The following ANKMY2 variants were observed in gnomAD, a reference collection of about 807,000 sequenced individuals.
ANKMY2 encodes the protein ankyrin repeat and MYND domain-containing protein 2.
In ANKMY2, 36 loss-of-function variants were observed where a neutral mutation model predicts 50.4. The ratio of observed to expected loss-of-function variants is 0.71; its 90% CI spans 0.55 to 0.94. The LOEUF (loss-of-function observed/expected upper bound fraction) is 0.94, where lower values mean the gene tolerates loss of function less well. ANKMY2 is among the 40% of genes least tolerant of loss of function. ANKMY2 has a pLI of 0.00. For synonymous variants in ANKMY2, 187 were observed against 178.8 expected (o/e 1.05, Z -0.36); for missense variants, 565 against 524.0 (o/e 1.08, Z -0.76).
At chr7:16,603,230 T>C (rs998683384) in intron 8 of ANKMY2, among the ~76,000 whole-genome samples, 3 of 152,046 alleles carry the variant, frequency 2.0e-5, no homozygotes, top group Non-Finnish European at 2.9e-5. Context: ...GTCCCAAAGG[T>C]AGCTAGCATC....
intron 4 of ANKMY2, among the ~76,000 whole-genome samples, chr7:16,616,847 G>A (rs1453388089): frequency 1.3e-5 from 2 of 152,232 alleles, no homozygotes; most frequent in Non-Finnish European, 2.9e-5. Context: ...GCTTGGTCCT[G>A]GGAGCGCCTG....
chr7:16,611,261 T>C (rs1225299432), intron 5 of ANKMY2, among the ~76,000 whole-genome samples: 1 of 152,224 alleles, frequency 6.6e-6, no homozygotes, highest in African/African-American at 2.4e-5. Context: ...TGAAATATGC[T>C]TTACTTTCCA....
chr7:16,623,176 C>T (rs1176065165), intron 4 of ANKMY2, among the ~76,000 whole-genome samples: 5 of 152,106 alleles, frequency 3.3e-5, no homozygotes, highest in Admixed American at 1.3e-4. Context: ...TGTATACATA[C>T]TGATCCACTT....
chr7:16,604,849 C>A lies in ANKMY2; in HGVS notation c.883G>T (p.Gly295Cys), dbSNP rs747426006. The change falls in exon 8 of 10, where the codon GGT becomes TGT. Residue 295 changes from glycine (G) to cysteine (C), a missense_variant and splice_region_variant. Transcript: ENST00000306999. The part of the protein sequence containing the change: ...LVRSIAPVEI[G>C]SDPTAFSVLT... ...ACGGAGAATGCAGTGGGATCAGAAC[C>A]CTAGAGTGGGCATGAAGAGGAGAAA... 1 of 1,606,220 alleles carries A rather than the reference C, an allele frequency of 6.2e-7. No homozygotes were observed. Among genetic ancestry groups the A allele is most frequent in the Middle Eastern group, 1.7e-4 (1 of 6,010 alleles).
chr7:16,629,203 G>A (rs1430222013), intron 2 of ANKMY2, among the ~76,000 whole-genome samples: 5 of 152,106 alleles, frequency 3.3e-5, no homozygotes, highest in Admixed American at 6.6e-5. Flanking sequence ...AGCAGAAATT[G>A]GTTTTTAGAG....
intron 1 of ANKMY2, among the ~76,000 whole-genome samples, chr7:16,637,327 A>T (rs1040010546): frequency 6.6e-6 from 1 of 152,220 alleles, no homozygotes; most frequent in African/African-American, 2.4e-5. Context: ...TTGTAGTGCA[A>T]GACTGTGCTA....
rs1781490678 is a variant in ANKMY2 at position 16,625,028 on chromosome 7, C to A, written c.325G>T (p.Val109Phe). The change falls in exon 4 of 10, where the codon GTC becomes TTC. Residue 109 changes from valine to phenylalanine, a missense_variant. Coordinates refer to ENST00000306999, the MANE Select transcript of ANKMY2 (RefSeq NM_020319.3). ...MLEAGAETDV[V>F]NSVGRTAAQM... is the part of the protein sequence containing the mutation. ...GCTGCTGTTCTTCCCACAGAGTTGACAACATCTGTCTCAGCACCAGCTTCT... is the reference window on the plus strand; with the variant it reads ...GCTGCTGTTCTTCCCACAGAGTTGAAAACATCTGTCTCAGCACCAGCTTCT... The A allele has an allele frequency of 1.9e-6, 3 of 1,613,986 alleles. No individual in the cohort carries two copies. Among genetic ancestry groups the A allele is most frequent in the South Asian group, 2.2e-5 (2 of 91,084 alleles).
At chr7:16,644,239 C>A (rs561486833) in intron 1 of ANKMY2, among the ~76,000 whole-genome samples, 1 of 152,164 alleles carries the variant, frequency 6.6e-6, no homozygotes, top group Non-Finnish European at 1.5e-5. Context: ...GACTGAAATG[C>A]CAAATAGGTC....
intron 5 of ANKMY2, among the ~76,000 whole-genome samples, chr7:16,611,059 G>A (rs1456955054): frequency 1.3e-5 from 2 of 152,152 alleles, no homozygotes; most frequent in Non-Finnish European, 2.9e-5. Flanking sequence ...TACAGTCTCT[G>A]TTAAATTCAC....
chr7:16,645,580 C>T lies in ANKMY2; in HGVS notation c.-7G>A, dbSNP rs148014743. On this transcript the variant is annotated 5_prime_UTR_variant, in exon 1 of 10. Transcript: ENST00000306999. Reference sequence around the variant, plus strand: ...CTTTCTTTATGTGAACCATTGCTCCCGCCAGCTTGAAGGTTATTCCCTTTC... The same window carrying T: ...CTTTCTTTATGTGAACCATTGCTCCTGCCAGCTTGAAGGTTATTCCCTTTC... 3.4e-5 allele frequency: 55 copies of T among 1,610,456 alleles called. No homozygotes were observed. The highest frequency in any genetic ancestry group is 6.7e-5 in the African/African-American group (5 of 74,746).
chr7:16,602,261 C>T (rs1781079443), intron 9 of ANKMY2, 119 bp downstream of exon 9: 1 of 1,198,496 alleles, frequency 8.3e-7, no homozygotes, highest in East Asian at 2.5e-5. Flanking sequence ...GTGATTCTTA[C>T]ATCGGTCACT....
chr7:16,636,615 T>A (rs1409840587), intron 1 of ANKMY2, among the ~76,000 whole-genome samples, 160 bp from the exon 2 acceptor site: 1 of 152,196 alleles, frequency 6.6e-6, no homozygotes, highest in Non-Finnish European at 1.5e-5. Context: ...CTATTTATTT[T>A]ACAAAGTAAT....
chr7:16,618,565 C>CT, intron 4 of ANKMY2, among the ~76,000 whole-genome samples: 1 of 152,210 alleles, frequency 6.6e-6, no homozygotes, highest in East Asian at 1.9e-4. Context: ...CACCCAATTT[C>CT]TTTCTTTTTG....
Position 16,635,060 on chromosome 7 carries a change from A to G in ANKMY2, c.132+1331T>C, listed in dbSNP as rs548125017. On this transcript the variant is annotated intron_variant, in intron 2 of 9. Transcript: ENST00000306999. ...GATGTCCATACCAACATTTGTACAT[A>G]AATGTTCATAGAAGCTTTATGGTAA... 2.2e-3 allele frequency among the ~76,000 whole-genome samples: 337 copies of G among 152,358 alleles called. 2 individuals carry two copies. The highest frequency in any genetic ancestry group is 7.9e-3 in the African/African-American group (327 of 41,584).
chr7:16,610,276 G>A (rs558097622), intron 6 of ANKMY2, among the ~76,000 whole-genome samples: 2 of 152,220 alleles, frequency 1.3e-5, no homozygotes, highest in South Asian at 2.1e-4. Context: ...CTCGCGGTGT[G>A]ATCTTACACA....
chr7:16,616,312 ATAAAG>A (rs1781347570), intron 4 of ANKMY2, among the ~76,000 whole-genome samples: 1 of 152,152 alleles, frequency 6.6e-6, no homozygotes, highest in East Asian at 1.9e-4. Context: ...TTTACTCCAT[ATAAAG>A]TATTGTTCTT....
chr7:16,604,774 A>C lies in ANKMY2; in HGVS notation c.958T>G (p.Cys320Gly), dbSNP rs528357449. Reference protein sequence around the residue: ...GQVGFVDVEFCTTCGEKGASK... With the variant: ...GQVGFVDVEFGTTCGEKGASK... ...GCTCCCTTTTCTCCACAGGTAGTGC[A>C]AAATTCCACATCCACAAAACCCACC... The change falls in exon 8 of 10, where the codon TGC becomes GGC. Residue 320 changes from cysteine to glycine, a missense_variant. By Grantham distance (159) the Cys-to-Gly change is radical (BLOSUM62 -3). Transcript: ENST00000306999. 3.5e-5 allele frequency: 57 copies of C among 1,614,142 alleles called. No individual in the cohort carries two copies. The highest frequency in any genetic ancestry group is 8.5e-7 in the Non-Finnish European group (1 of 1,179,998).
intron 7 of ANKMY2, among the ~76,000 whole-genome samples, 155 bp downstream of exon 7, chr7:16,609,475 G>A (rs1781210778): frequency 6.6e-6 from 1 of 152,044 alleles, no homozygotes; most frequent in Non-Finnish European, 1.5e-5. Context: ...TAAATAAACA[G>A]GAACAGGTTT....
intron 3 of ANKMY2, among the ~76,000 whole-genome samples, chr7:16,625,644 G>A (rs1227757313): frequency 6.6e-6 from 1 of 152,116 alleles, no homozygotes. Context: ...ATTTTCGCAA[G>A]TTTGAATTAT....
Sources: gnomAD v4.1 joint callset for allele counts (sites outside exome capture counted in the v4.1 genomes callset) on GRCh38, gnomAD v4.1.1 for gene constraint, MANE v1.5 for transcripts, NCBI Gene and HGNC (gene_info 2026-07-23, HGNC 2026-07-21) for gene names.